The following CELSR1 variants were observed in gnomAD, a reference collection of about 807,000 sequenced individuals.
CELSR1 encodes adhesion G protein-coupled receptor C1.
Under a neutral mutation model 249.1 loss-of-function variants are expected in CELSR1, and 110 were observed. The ratio of observed to expected loss-of-function variants is 0.44; its 90% CI spans 0.38 to 0.52. The LOEUF (loss-of-function observed/expected upper bound fraction) is 0.52. Ranked by LOEUF, CELSR1 falls within the 20% of genes least tolerant of loss-of-function variation. The pLI is 0.00. For missense variants in CELSR1, 4,109 were observed against 4,296.4 expected, an observed-to-expected ratio of 0.96 and a Z score of 1.22; for synonymous variants, 2,113 against 1,900.0, an observed-to-expected ratio of 1.11 and a Z score of -2.92.
At position 46,386,553 on chromosome 22, in the gene CELSR1, G is replaced by A. The variant is rs2079036178; in HGVS notation, c.6588C>T (p.Ala2196=). The A allele has an allele frequency of 6.3e-7, 1 of 1,597,650 alleles. No homozygotes were observed. Among genetic ancestry groups the A allele is most frequent in the Middle Eastern group, 1.7e-4 (1 of 5,922 alleles). The change falls in exon 19 of 35, where the codon GCC becomes GCT. Residue 2196 remains alanine, a synonymous_variant. Transcript: ENST00000674500. ...DVIHSGSALL[A]PATRAAWEQI... is the part of the protein sequence containing the mutation. ...GCTCCCACGCCGCCCTGGTGGCTGG[G>A]GCCAGGAGGGCGCTGCCCGAGTGGA... is the stretch of plus-strand genomic sequence containing the variant.
In CELSR1 at chr22:46,434,633, G is replaced by A. The variant is rs73890426; in HGVS notation, c.4523-1152C>T. Among the ~76,000 whole-genome samples the A allele has an allele frequency of 0.049, 7,435 of 152,294 alleles. 224 individuals are homozygous for A. The highest frequency in any genetic ancestry group is 0.066 in the African/African-American group (2,753 of 41,562). On this transcript the variant is annotated intron_variant, in intron 4 of 34. Coordinates refer to ENST00000674500, the MANE Select transcript of CELSR1 (RefSeq NM_001378328.1). The surrounding 1 kb of genome is among the most constrained non-coding windows in gnomAD (Gnocchi z 4.9). ...CAACACGGGCCAGGGTTCTAGAGAC[G>A]GAAGCAGCTCTGAGCCATCTTGGTG...
At chr22:46,385,512 C>T (rs1420270765) in intron 19 of CELSR1, among the ~76,000 whole-genome samples, 1 of 152,132 alleles carries the variant, frequency 6.6e-6, no homozygotes, top group Non-Finnish European at 1.5e-5. Context: ...CTTCTAGAGT[C>T]TCACACCTGA....
intron 14 of CELSR1, among the ~76,000 whole-genome samples, chr22:46,392,356 G>A (rs1395933819): frequency 3.3e-5 from 5 of 152,122 alleles, no homozygotes; most frequent in South Asian, 4.1e-4. Flanking sequence ...CCCGGAAAAC[G>A]GGGCAGGCTG....
Position 46,518,342 on chromosome 22 carries a change from C to T in CELSR1, c.3544+15285G>A, listed in dbSNP as rs929601765. ...ATCAGCAGGGGCGCTCAGCCCGTGC[C>T]ACACTCAGTCTCGTTAGAGGAGAAC... On this transcript the variant is annotated intron_variant, in intron 1 of 34. Coordinates refer to ENST00000674500, the MANE Select transcript of CELSR1 (RefSeq NM_001378328.1). This position sits in a 1 kb window ranked among gnomAD's most constrained non-coding sequence, Gnocchi z 5.2. Among the ~76,000 whole-genome samples the T allele has an allele frequency of 1.3e-5, 2 of 152,230 alleles. No homozygotes were observed. Among genetic ancestry groups the T allele is most frequent in the African/African-American group, 4.8e-5 (2 of 41,456 alleles).
chr22:46,370,714 G>A lies in CELSR1; in HGVS notation c.7760-910C>T, dbSNP rs79752011. ...GCTCCCTCCTGTTTAACACCCTCCA[G>A]CACTTCCCACTGCCCTCTGGAGGAG... On this transcript the variant is annotated intron_variant, in intron 25 of 34. Transcript: ENST00000674500. 2.0e-3 allele frequency among the ~76,000 whole-genome samples: 308 copies of A among 152,232 alleles called. 2 individuals are homozygous for A. Among genetic ancestry groups the A allele is most frequent in the Non-Finnish European group, 3.0e-3 (206 of 68,026 alleles).
rs1332525004 is a variant in CELSR1, at chr22:46,398,652, G to T, written c.5413-15C>A. Reference sequence around the variant, plus strand: ...TCTGCCTTGTTCTGTGCGGAGAGAGGGGCCGGGGATCTGGGGGCTGCATCC... The same window carrying T: ...TCTGCCTTGTTCTGTGCGGAGAGAGTGGCCGGGGATCTGGGGGCTGCATCC... On this transcript the variant is annotated splice_polypyrimidine_tract_variant and intron_variant, in intron 10 of 34. Coordinates refer to ENST00000674500, the MANE Select transcript of CELSR1 (RefSeq NM_001378328.1). The surrounding 1 kb of genome is among the most constrained non-coding windows in gnomAD (Gnocchi z 7.2). 1 of 1,592,650 alleles carries T rather than the reference G, an allele frequency of 6.3e-7. No homozygotes were observed. The highest frequency in any genetic ancestry group is 8.6e-7 in the Non-Finnish European group (1 of 1,168,544).
In CELSR1 at chr22:46,535,296, G is replaced by C. The variant is rs754390497; in HGVS notation, c.1875C>G (p.Thr625=). 6.2e-7 allele frequency: 1 copy of C among 1,611,384 alleles called. No individual in the cohort carries two copies. The highest frequency in any genetic ancestry group is 8.5e-7 in the Non-Finnish European group (1 of 1,180,010). The change falls in exon 1 of 35, where the codon ACC becomes ACG. Residue 625 remains threonine (T), a synonymous_variant. Transcript: ENST00000674500. ...TGTGGATCTGGAAGGGGAAGTCAGG[G>C]GTGGGGGCAGGATTCTTAGGCCCAG... is the stretch of plus-strand genomic sequence containing the variant. The part of the protein sequence containing the change: ...GSAGPKNPAP[T]PDFPFQIHNS...
intron 1 of CELSR1, among the ~76,000 whole-genome samples, chr22:46,487,168 T>C (rs1287975405): frequency 3.9e-5 from 6 of 152,102 alleles, no homozygotes; most frequent in African/African-American, 7.2e-5. Flanking sequence ...ATATCACATA[T>C]CCTGCTATTG....
Position 46,413,761 on chromosome 22 carries a change from G to C in CELSR1, c.4612-2002C>G, listed in dbSNP as rs2079364642. Among the ~76,000 whole-genome samples the C allele has an allele frequency of 1.3e-5, 2 of 152,158 alleles. No individual in the cohort carries two copies. The highest frequency in any genetic ancestry group is 4.1e-4 in the South Asian group (2 of 4,824). On this transcript the variant is annotated intron_variant, in intron 5 of 34. Coordinates refer to ENST00000674500, the MANE Select transcript of CELSR1 (RefSeq NM_001378328.1). The surrounding 1 kb of genome is among the most constrained non-coding windows in gnomAD (Gnocchi z 4.7). ...TGCATTAAAAATCATCTGTTTTCTC[G>C]CTGTGTAACGCGGCCCACTTTGGAA... is the stretch of plus-strand genomic sequence containing the variant.
chr22:46,448,020 A>T lies in CELSR1; in HGVS notation c.4184-8609T>A, dbSNP rs2079840061. ...TGCCCCGCCACTGGGGACCTGTCCC[A>T]TACCAGGCTTGGGGCTGGTGCACTG... On this transcript the variant is annotated intron_variant, in intron 2 of 34. Coordinates refer to ENST00000674500, the MANE Select transcript of CELSR1 (RefSeq NM_001378328.1). The surrounding 1 kb of genome is among the most constrained non-coding windows in gnomAD (Gnocchi z 5.7). Among the ~76,000 whole-genome samples, 1 of 152,206 alleles carries T rather than the reference A, an allele frequency of 6.6e-6. No homozygotes were observed. The highest frequency in any genetic ancestry group is 1.5e-5 in the Non-Finnish European group (1 of 68,038).
rs575729917 is a variant in CELSR1 at position 46,375,130 on chromosome 22, G to A, written c.7584+1931C>T. Among the ~76,000 whole-genome samples the A allele has an allele frequency of 4.6e-5, 7 of 152,322 alleles. No homozygotes were observed. The South Asian group carries it at 1.2e-3, about 27-fold the overall frequency. ...GCCGTAAAAAAGGAGGAGCAGCTCA[G>A]GTCTGCACGTGGCCCTGAGCAGCTC... On this transcript the variant is annotated intron_variant, in intron 24 of 34. Coordinates refer to ENST00000674500, the MANE Select transcript of CELSR1 (RefSeq NM_001378328.1).
chr22:46,502,632 G>A (rs1018229280), intron 1 of CELSR1, among the ~76,000 whole-genome samples: 4 of 152,128 alleles, frequency 2.6e-5, no homozygotes, highest in African/African-American at 9.7e-5. Flanking sequence ...CCAATACTTT[G>A]CTTTGTGCTT....
chr22:46,436,731 T>TC lies in CELSR1; in HGVS notation c.4407-443dup, dbSNP rs1339032930. 2.0e-5 allele frequency among the ~76,000 whole-genome samples: 3 copies of TC among 151,692 alleles called. No individual in the cohort carries two copies. The highest frequency in any genetic ancestry group is 4.9e-5 in the African/African-American group (2 of 41,190). The stretch of plus-strand genomic sequence containing the variant: ...ATGGAAGGACCATTCTTATGGCCTC[T>TC]CCCCCCGGCACTCAGCCACAATAGC... On this transcript the variant is annotated intron_variant, in intron 3 of 34. Coordinates refer to ENST00000674500, the MANE Select transcript of CELSR1 (RefSeq NM_001378328.1). The surrounding 1 kb of genome is among the most constrained non-coding windows in gnomAD (Gnocchi z 5.9).
intron 2 of CELSR1, among the ~76,000 whole-genome samples, chr22:46,461,615 C>A (rs2080028433): frequency 6.6e-6 from 1 of 152,232 alleles, no homozygotes; most frequent in South Asian, 2.1e-4. Context: ...CCCCTCTACC[C>A]ATGAAAAAGC....
chr22:46,481,587 C>A, intron 1 of CELSR1: 1 of 804,186 alleles, frequency 1.2e-6, no homozygotes, highest in Non-Finnish European at 2.2e-6. Context: ...ACTCGATGCA[C>A]TGGTGCACCT....
intron 1 of CELSR1, among the ~76,000 whole-genome samples, chr22:46,499,442 A>C (rs1173406892): frequency 6.6e-6 from 1 of 152,222 alleles, no homozygotes; most frequent in East Asian, 1.9e-4. Context: ...CAAGCCTGTG[A>C]GGACATAGAC....
chr22:46,510,834 G>A (rs1443290850), intron 1 of CELSR1, among the ~76,000 whole-genome samples: 2 of 151,908 alleles, frequency 1.3e-5, no homozygotes, highest in African/African-American at 2.4e-5. Context: ...AGTGCTGGCC[G>A]GGTGCGGTGG....
Position 46,393,999 on chromosome 22 carries a change from T to C in CELSR1, c.5964+143A>G, listed in dbSNP as rs2079121955. ...ACCAAAAACCACATCTGTACACAAA[T>C]GTGATGTGAGTGGGCACAGGTGTGT... On this transcript the variant is annotated intron_variant, in intron 14 of 34. Coordinates refer to ENST00000674500, the MANE Select transcript of CELSR1 (RefSeq NM_001378328.1). The surrounding 1 kb of genome is among the most constrained non-coding windows in gnomAD (Gnocchi z 4.1). The C allele has an allele frequency of 1.8e-6, 2 of 1,108,070 alleles. No individual in the cohort carries two copies. The highest frequency in any genetic ancestry group is 2.5e-6 in the Non-Finnish European group (2 of 787,606). The allele number at this position is 1,108,070 out of a possible 1,614,324, so 68.6% of individuals were successfully genotyped here.
chr22:46,375,938 T>A (rs1698041895), intron 24 of CELSR1, among the ~76,000 whole-genome samples: 1 of 152,238 alleles, frequency 6.6e-6, no homozygotes, highest in African/African-American at 2.4e-5. Context: ...TTTCTTCCTT[T>A]CTGATCTCTA....
Sources: allele counts gnomAD v4.1 joint callset (sites outside exome capture counted in the v4.1 genomes callset), GRCh38; gene constraint gnomAD v4.1.1; non-coding constraint Gnocchi (gnomAD v3.1); transcripts MANE v1.5; gene names NCBI Gene and HGNC (gene_info 2026-07-23, HGNC 2026-07-21).